TRPC7: variants seen among roughly 807,000 people sequenced by gnomAD.
TRPC7 encodes the protein short transient receptor potential channel 7.
A neutral mutation model predicts 90.1 loss-of-function variants in TRPC7; 42 were observed. The ratio of observed to expected loss-of-function variants is 0.47; its 90% CI spans 0.36 to 0.60. TRPC7 has a LOEUF of 0.60. TRPC7 is among the 20% of genes least tolerant of loss of function. TRPC7 has a pLI of 0.00. For missense variants in TRPC7, 955 were observed against 1,112.3 expected (o/e 0.86, Z 2.01); for synonymous variants, 451 against 436.3 (o/e 1.03, Z -0.42).
chr5:136,328,047 G>A (rs952541974), intron 2 of TRPC7, among the ~76,000 whole-genome samples: 15 of 152,152 alleles, frequency 9.9e-5, no homozygotes, highest in African/African-American at 3.6e-4. Context: ...ACAATTAATT[G>A]TTTCATTAAC....
At chr5:136,225,953 G>T in intron 9 of TRPC7, 81 bp downstream of exon 9, 1 of 1,221,248 alleles carries the variant, frequency 8.2e-7, no homozygotes, top group Non-Finnish European at 1.2e-6. Context: ...GGGGAGGGCA[G>T]CCATATGACT....
intron 10 of TRPC7, among the ~76,000 whole-genome samples, chr5:136,220,731 T>G (rs1264242728): frequency 6.6e-6 from 1 of 152,218 alleles, no homozygotes; most frequent in Non-Finnish European, 1.5e-5. Context: ...TGTTCTCCTT[T>G]GAAGCATGTG....
chr5:136,226,006 C>T (rs1755615040), intron 9 of TRPC7, 28 bp downstream of exon 9: 6 of 1,554,228 alleles, frequency 3.9e-6, no homozygotes, highest in Non-Finnish European at 5.2e-6. Context: ...GCTGCCTTCT[C>T]CAGCCTCATA....
At chr5:136,359,799 T>C (rs1760511643) in intron 1 of TRPC7, among the ~76,000 whole-genome samples, 2 of 148,776 alleles carry the variant, frequency 1.3e-5, no homozygotes, top group Admixed American at 6.8e-5. Flanking sequence ...CACACACAGG[T>C]AGAAGATGAG....
chr5:136,324,732 A>G (rs1444218907), intron 2 of TRPC7, among the ~76,000 whole-genome samples: 1 of 152,134 alleles, frequency 6.6e-6, no homozygotes, highest in East Asian at 1.9e-4. Flanking sequence ...CAACTCCTCA[A>G]TTTTTTCAAA....
chr5:136,268,320 A>G (rs889433438), intron 4 of TRPC7, among the ~76,000 whole-genome samples: 35 of 149,768 alleles, frequency 2.3e-4, no homozygotes, highest in Admixed American at 1.3e-4. Context: ...CAGGGAGGAG[A>G]ATAGATGAGG....
intron 2 of TRPC7, among the ~76,000 whole-genome samples, chr5:136,341,324 G>C (rs1759838495): frequency 6.6e-6 from 1 of 152,096 alleles, no homozygotes; most frequent in Non-Finnish European, 1.5e-5. Context: ...ACATGCTGAT[G>C]TGGACAGATA....
chr5:136,272,630 T>G (rs1757242896), intron 4 of TRPC7, among the ~76,000 whole-genome samples: 1 of 152,168 alleles, frequency 6.6e-6, no homozygotes, highest in Non-Finnish European at 1.5e-5. Context: ...AAGTGACAAG[T>G]GGCTTAATGA....
intron 3 of TRPC7, among the ~76,000 whole-genome samples, chr5:136,279,952 A>T (rs1408301440): frequency 1.3e-5 from 2 of 152,100 alleles, no homozygotes. Flanking sequence ...CAGGAATTCA[A>T]GACCAGCCTG....
At position 136,352,241 on chromosome 5, in the gene TRPC7, C is replaced by T. The variant is rs75677553; in HGVS notation, c.780+4367G>A. Among the ~76,000 whole-genome samples the T allele has an allele frequency of 5.1e-3, 774 of 152,278 alleles. 5 individuals are homozygous for T. Among genetic ancestry groups the T allele is most frequent in the African/African-American group, 0.018 (736 of 41,566 alleles). On this transcript the variant is annotated intron_variant, in intron 2 of 11. Transcript: ENST00000513104. ...TCTCTTTCCTTCCAAAGTCCTAAAC[C>T]TCACTCTACAATATTCCCTTGTCAT...
chr5:136,351,441 C>T (rs1004314550), intron 2 of TRPC7, among the ~76,000 whole-genome samples: 13 of 152,284 alleles, frequency 8.5e-5, no homozygotes, highest in Non-Finnish European at 1.5e-4. Context: ...TAATATTTTT[C>T]CCAGGGTGTT....
chr5:136,353,613 G>A lies in TRPC7; in HGVS notation c.780+2995C>T, dbSNP rs1235677469. Among the ~76,000 whole-genome samples the A allele has an allele frequency of 3.3e-5, 5 of 152,110 alleles. 1 individual carries two copies. The highest frequency in any genetic ancestry group is 5.9e-5 in the Non-Finnish European group (4 of 68,022). ...GCTCTCCTCTGAGAAGATTTATAAT[G>A]TCAGGAATGCACATATAAGGCTAAC... On this transcript the variant is annotated intron_variant, in intron 2 of 11. Transcript: ENST00000513104.
intron 2 of TRPC7, among the ~76,000 whole-genome samples, chr5:136,350,451 C>A (rs1373364398): frequency 6.6e-6 from 1 of 152,166 alleles, no homozygotes; most frequent in Non-Finnish European, 1.5e-5. Context: ...ATGACATAGA[C>A]CCTAGAAGAG....
chr5:136,260,524 AGCAGT>A (rs1406220650), intron 5 of TRPC7, among the ~76,000 whole-genome samples: 1 of 152,184 alleles, frequency 6.6e-6, no homozygotes, highest in African/African-American at 2.4e-5. Context: ...CTTAGGCAGA[AGCAGT>A]GCAAGGCAGA....
rs924931100 is a variant in TRPC7, at chr5:136,247,471, G to A, written c.1844C>T (p.Thr615Met). The change falls in exon 7 of 12, where the codon ACG becomes ATG. Residue 615 changes from threonine to methionine, a missense_variant and splice_region_variant. Around this residue, in one of 4 missense-constraint regions of TRPC7, gnomAD observed 296 missense variants for 422.7 expected, o/e 0.70. Coordinates refer to ENST00000513104, the MANE Select transcript of TRPC7 (RefSeq NM_020389.3). This position sits in a 1 kb window ranked among gnomAD's most constrained non-coding sequence, Gnocchi z 4.2. ...RGAKYNPAFT[T>M]VEESFKTLFW... is the part of the protein sequence containing the mutation. ...CAGGGGAAAGCTCTCAGATACTCACGTTGTAAACGCTGGGTTGTATTTGGC... is the reference window on the plus strand; with the variant it reads ...CAGGGGAAAGCTCTCAGATACTCACATTGTAAACGCTGGGTTGTATTTGGC... 2 of 1,608,438 alleles carry A rather than the reference G, an allele frequency of 1.2e-6. No homozygotes were observed. The highest frequency in any genetic ancestry group is 1.7e-6 in the Non-Finnish European group (2 of 1,176,340).
At chr5:136,255,902 A>G (rs1234302360) in intron 5 of TRPC7, among the ~76,000 whole-genome samples, 1 of 152,184 alleles carries the variant, frequency 6.6e-6, no homozygotes, top group African/African-American at 2.4e-5. Flanking sequence ...CTTGACTGCT[A>G]TACTCTTCTG....
chr5:136,287,197 G>T (rs1346322602), intron 3 of TRPC7, among the ~76,000 whole-genome samples: 1 of 152,160 alleles, frequency 6.6e-6, no homozygotes, highest in East Asian at 1.9e-4. Flanking sequence ...ATAGAAGAAT[G>T]AGTGACGTTT....
intron 3 of TRPC7, among the ~76,000 whole-genome samples, chr5:136,308,460 A>G (rs1159396930): frequency 6.6e-6 from 1 of 152,190 alleles, no homozygotes; most frequent in East Asian, 1.9e-4. Flanking sequence ...CATCTGTTAA[A>G]ACGATGCCTC....
Position 136,365,365 on chromosome 5 carries a change from G to T in TRPC7, c.-111C>A. 8.9e-7 allele frequency: 1 copy of T among 1,128,024 alleles called. No homozygotes were observed. The highest frequency in any genetic ancestry group is 1.3e-6 in the Non-Finnish European group (1 of 774,556). The allele number at this position is 1,128,024 out of a possible 1,614,324, so 69.9% of individuals were successfully genotyped here. A position where few individuals can be genotyped will look rare whatever the true frequency, so the allele number is the denominator to read the frequency against. On this transcript the variant is annotated 5_prime_UTR_variant, in exon 1 of 12. Transcript: ENST00000513104. ...TAGCCAAGGATGTACCGCTCTCCGT[G>T]GTGCTGAAGTATAGAGCTGGTCAAG...
Sources: allele counts gnomAD v4.1 joint callset (sites outside exome capture counted in the v4.1 genomes callset), GRCh38; gene constraint gnomAD v4.1.1; regional missense constraint gnomAD v4.1.1; non-coding constraint Gnocchi (gnomAD v3.1); transcripts MANE v1.5; gene names NCBI Gene and HGNC (gene_info 2026-07-23, HGNC 2026-07-21).